RANBP17: variants seen among roughly 807,000 people sequenced by gnomAD.
The protein encoded by RANBP17 is ran-binding protein 17.
RANBP17 carries 158 observed loss-of-function variants against 141.2 expected under a neutral mutation model. That is an observed-to-expected ratio of 1.12 (90% CI 0.98 to 1.28). The LOEUF is 1.28. Among genes scored for constraint, RANBP17 ranks in the 50% most tolerant of loss-of-function variants. The probability of loss-of-function intolerance (pLI) is 0.00; values close to 1 mark genes in which losing one functional copy is unlikely to be tolerated. For missense variants in RANBP17, 1,438 were observed against 1,290.7 expected, an observed-to-expected ratio of 1.11 and a Z score of -1.75; for synonymous variants, 430 against 450.0, an observed-to-expected ratio of 0.96 and a Z score of 0.56.
intron 14 of RANBP17, among the ~76,000 whole-genome samples, chr5:171,091,998 G>A (rs1043019720): frequency 1.1e-4 from 17 of 152,164 alleles, no homozygotes; most frequent in African/African-American, 3.4e-4. Flanking sequence ...TTTGGTATAT[G>A]TGAGGGATCC....
intron 13 of RANBP17, among the ~76,000 whole-genome samples, chr5:170,963,132 A>G (rs970168939): frequency 1.3e-5 from 2 of 152,206 alleles, no homozygotes; most frequent in African/African-American, 4.8e-5. Flanking sequence ...ATTTAGTGTG[A>G]TGGATTGTAG....
chr5:171,072,091 T>C (rs575822803), intron 14 of RANBP17, among the ~76,000 whole-genome samples: 1 of 152,144 alleles, frequency 6.6e-6, no homozygotes, highest in African/African-American at 2.4e-5. Flanking sequence ...CACCCAAAGA[T>C]GCCTACATCC....
intron 24 of RANBP17, chr5:171,252,207 A>G (rs1765617101): frequency 2.5e-6 from 4 of 1,578,764 alleles, no homozygotes; most frequent in Non-Finnish European, 2.6e-6. Flanking sequence ...TAAATTACCT[A>G]CTAAATACAA....
At chr5:170,957,139 G>A (rs896017971) in intron 13 of RANBP17, among the ~76,000 whole-genome samples, 2 of 150,374 alleles carry the variant, frequency 1.3e-5, no homozygotes, top group Non-Finnish European at 3.0e-5. Context: ...GTGAGAAAAC[G>A]TATATTAGGA....
chr5:171,125,072 A>T (rs1349690421), intron 14 of RANBP17, among the ~76,000 whole-genome samples: 1 of 152,208 alleles, frequency 6.6e-6, no homozygotes, highest in Non-Finnish European at 1.5e-5. Flanking sequence ...AGGCGGGCAG[A>T]TCACCTGAGG....
chr5:170,910,899 T>G, intron 6 of RANBP17, 70 bp from the exon 7 acceptor site: 1 of 1,440,298 alleles, frequency 6.9e-7, no homozygotes, highest in Non-Finnish European at 9.6e-7. Flanking sequence ...TGAAAAATTA[T>G]TTTAATTCAT....
intron 14 of RANBP17, among the ~76,000 whole-genome samples, chr5:171,053,920 TATATA>T (rs1561596705): frequency 0.089 from 5,526 of 62,372 alleles, 860 homozygotes; most frequent in South Asian, 0.19. Context: ...TATATATATA[TATATA>T]ATTGCTGTAT....
At chr5:170,963,778 A>G (rs978946000) in intron 13 of RANBP17, among the ~76,000 whole-genome samples, 3 of 152,230 alleles carry the variant, frequency 2.0e-5, no homozygotes, top group African/African-American at 7.2e-5. Context: ...GCCACAGACT[A>G]GTACCGGTCT....
In RANBP17 at chr5:171,241,030, G is replaced by C. The variant is rs1764845628; in HGVS notation, c.2525G>C (p.Cys842Ser). The C allele has an allele frequency of 6.2e-7, 1 of 1,613,836 alleles. No homozygotes were observed. Reference sequence around the variant, plus strand: ...TATTCAGCTCTCAAGTCTGCCTTGTGTGGAAATTATGTCAGCTTTGGCGTC... The same window carrying C: ...TATTCAGCTCTCAAGTCTGCCTTGTCTGGAAATTATGTCAGCTTTGGCGTC... ...ICYSALKSAL[C>S]GNYVSFGVFK... is the part of the protein sequence containing the mutation. The change falls in exon 23 of 28, where the codon TGT becomes TCT. Residue 842 changes from cysteine (C) to serine (S), a missense_variant. Transcript: ENST00000523189.
chr5:170,984,394 G>T (rs1777979383), intron 14 of RANBP17, among the ~76,000 whole-genome samples: 1 of 152,132 alleles, frequency 6.6e-6, no homozygotes, highest in Non-Finnish European at 1.5e-5. Context: ...TGGGAGATAA[G>T]GCGGGAGGAT....
At position 170,919,471 on chromosome 5, in the gene RANBP17, T is replaced by C. The variant is rs369517067; in HGVS notation, c.1132T>C (p.Tyr378His). ...HWEFAPNSVH[Y>H]LLTLWQRMVA... ...GGAATTTGCTCCTAACAGTGTTCAT[T>C]ATTTATTAACTCTGTGGCAAAGGAT... The change falls in exon 11 of 28, where the codon TAT becomes CAT. Residue 378 changes from tyrosine to histidine, a missense_variant. Transcript: ENST00000523189. 5 of 1,604,052 alleles carry C rather than the reference T, an allele frequency of 3.1e-6. No individual in the cohort carries two copies. The highest frequency in any genetic ancestry group is 4.2e-6 in the Non-Finnish European group (5 of 1,176,722).
intron 24 of RANBP17, among the ~76,000 whole-genome samples, chr5:171,258,144 CA>C (rs1766040240): frequency 6.0e-5 from 9 of 150,464 alleles, no homozygotes; most frequent in African/African-American, 2.2e-4. Flanking sequence ...CACACACACA[CA>C]CACACACACA....
At chr5:170,920,310 G>A (rs1484461399) in intron 11 of RANBP17, among the ~76,000 whole-genome samples, 1 of 152,102 alleles carries the variant, frequency 6.6e-6, no homozygotes, top group Admixed American at 6.5e-5. Flanking sequence ...ATTGCTCTGT[G>A]TTCTCACTAG....
chr5:170,913,524 C>T (rs1032837460), intron 7 of RANBP17, among the ~76,000 whole-genome samples: 3 of 152,004 alleles, frequency 2.0e-5, no homozygotes, highest in Non-Finnish European at 4.4e-5. Flanking sequence ...AATTACAGCT[C>T]AGCCGTTAAT....
chr5:170,884,767 T>G (rs1298877956), intron 3 of RANBP17, among the ~76,000 whole-genome samples: 1 of 152,200 alleles, frequency 6.6e-6, no homozygotes, highest in African/African-American at 2.4e-5. Flanking sequence ...GAAAGGTCCA[T>G]GTCCTGAAAG....
At position 171,242,794 on chromosome 5, in the gene RANBP17, C is replaced by T. The variant is rs530538988; in HGVS notation, c.2750C>T (p.Ser917Phe). The change falls in exon 24 of 28, where the codon TCT becomes TTT. Residue 917 changes from serine (S) to phenylalanine (F), a missense_variant. Physicochemically the swap from Ser to Phe is radical, Grantham distance 155 (BLOSUM62 -2). Coordinates refer to ENST00000523189, the MANE Select transcript of RANBP17 (RefSeq NM_022897.5). Reference protein sequence around the residue: ...EPPVLMYVLTSISEGLTTLDT... With the variant: ...EPPVLMYVLTFISEGLTTLDT... ...CCTGTACTCATGTATGTTCTCACAT[C>T]TATCTCAGAGGGACTCACTACTCTT... 6.2e-7 allele frequency: 1 copy of T among 1,613,750 alleles called. No individual in the cohort carries two copies. The highest frequency in any genetic ancestry group is 1.3e-5 in the African/African-American group (1 of 74,998).
At position 171,265,716 on chromosome 5, in the gene RANBP17, G is replaced by A. The variant is rs1766626222; in HGVS notation, c.2812G>A (p.Asp938Asn). 3 of 1,613,910 alleles carry A rather than the reference G, an allele frequency of 1.9e-6. No individual in the cohort carries two copies. The highest frequency in any genetic ancestry group is 2.7e-5 in the African/African-American group (2 of 74,902). ...VVSSSCCTSL[D>N]YIVTYLFKHI... ...CTCCTCCAGCTGCTGTACCAGTTTA[G>A]ACTACATCGTCACCTACCTCTTCAA... is the stretch of plus-strand genomic sequence containing the variant. The change falls in exon 25 of 28, where the codon GAC becomes AAC. Residue 938 changes from aspartate to asparagine, a missense_variant. Coordinates refer to ENST00000523189, the MANE Select transcript of RANBP17 (RefSeq NM_022897.5).
At chr5:170,928,094 A>G (rs1196189527) in intron 12 of RANBP17, among the ~76,000 whole-genome samples, 2 of 152,086 alleles carry the variant, frequency 1.3e-5, no homozygotes, top group South Asian at 4.1e-4. Flanking sequence ...TATAATTTGC[A>G]TTCCCTAATG....
At chr5:170,905,459 A>G (rs1581111971) in intron 5 of RANBP17, among the ~76,000 whole-genome samples, 1 of 152,134 alleles carries the variant, frequency 6.6e-6, no homozygotes, top group East Asian at 1.9e-4. Context: ...AAAAAATACA[A>G]AAGAACCATT....
Sources: gnomAD v4.1 joint callset for allele counts (sites outside exome capture counted in the v4.1 genomes callset) on GRCh38, gnomAD v4.1.1 for gene constraint, MANE v1.5 for transcripts, NCBI Gene and HGNC (gene_info 2026-07-23, HGNC 2026-07-21) for gene names.